RAMP3: variants seen among roughly 807,000 people sequenced by gnomAD.
RAMP3 encodes receptor activity modifying protein 3, also known as receptor activity-modifying protein 3.
A neutral mutation model predicts 13.5 loss-of-function variants in RAMP3; 14 were observed. The ratio of observed to expected loss-of-function variants is 1.04; its 90% CI spans 0.69 to 1.63. The LOEUF (loss-of-function observed/expected upper bound fraction) is 1.63, where lower values mean the gene tolerates loss of function less well. Among genes scored for constraint, RAMP3 ranks in the 40% most tolerant of loss-of-function variants. RAMP3 has a pLI of 0.00. For missense variants in RAMP3, 200 were observed against 204.8 expected (o/e 0.98, Z 0.14); for synonymous variants, 106 against 88.3 (o/e 1.20, Z -1.12).
chr7:45,181,395 C>G (rs554267803), intron 2 of RAMP3, among the ~76,000 whole-genome samples: 73 of 152,322 alleles, frequency 4.8e-4, no homozygotes, highest in African/African-American at 1.6e-3. Flanking sequence ...TGGGACGGTT[C>G]TGGGGCTAGA....
chr7:45,177,423 A>G lies in RAMP3; in HGVS notation c.173A>G (p.Asn58Ser), dbSNP rs749194482. 4 of 1,613,994 alleles carry G rather than the reference A, an allele frequency of 2.5e-6. No individual in the cohort carries two copies. Among genetic ancestry groups the G allele is most frequent in the South Asian group, 1.1e-5 (1 of 91,076 alleles). ...AAGGTGGACGTCTGGAAGTGGTGCA[A>G]CCTGTCCGAGTTCATCGTGTGAGTG... ...MGKVDVWKWC[N>S]LSEFIVYYES... is the part of the protein sequence containing the mutation. The change falls in exon 2 of 3, where the codon AAC becomes AGC. Residue 58 changes from asparagine to serine, a missense_variant. Coordinates refer to ENST00000242249, the MANE Select transcript of RAMP3 (RefSeq NM_005856.3).
In RAMP3 at chr7:45,182,539, C is replaced by G. The variant is rs139021523; in HGVS notation, c.192-618C>G. ...GTGGTTTGCTGAGTGCCCTTCCCATCTTTGATCTCATGGACAGGGGGACCC... is the reference window on the plus strand; with the variant it reads ...GTGGTTTGCTGAGTGCCCTTCCCATGTTTGATCTCATGGACAGGGGGACCC... On this transcript the variant is annotated intron_variant, in intron 2 of 2. Coordinates refer to ENST00000242249, the MANE Select transcript of RAMP3 (RefSeq NM_005856.3). Among the ~76,000 whole-genome samples the G allele has an allele frequency of 2.4e-3, 361 of 152,298 alleles. 1 individual carries two copies. The highest frequency in any genetic ancestry group is 8.2e-3 in the African/African-American group (339 of 41,548).
chr7:45,160,695 T>C (rs1018641545), intron 1 of RAMP3, among the ~76,000 whole-genome samples: 20 of 152,228 alleles, frequency 1.3e-4, no homozygotes, highest in African/African-American at 4.8e-4. Flanking sequence ...TGCATCTGTT[T>C]GGCTGTTTAT....
rs1374968308 is a variant in RAMP3 at position 45,177,340 on chromosome 7, G to C, written c.90G>C (p.Glu30Asp). The C allele has an allele frequency of 6.2e-7, 1 of 1,614,188 alleles. No homozygotes were observed. Among genetic ancestry groups the C allele is most frequent in the Non-Finnish European group, 8.5e-7 (1 of 1,180,006 alleles). Reference protein sequence around the residue: ...GGCPRAGGCNETGMLERLPLC... With the variant: ...GGCPRAGGCNDTGMLERLPLC... ...GTCCCAGAGCAGGCGGCTGCAACGAGACAGGCATGTTGGAGAGGCTGCCCC... is the reference window on the plus strand; with the variant it reads ...GTCCCAGAGCAGGCGGCTGCAACGACACAGGCATGTTGGAGAGGCTGCCCC... Residue 30 changes from glutamate to aspartate, a missense_variant, in exon 2 of 3, where the codon GAG (glutamate) becomes GAC (aspartate). Physicochemically the swap from Glu to Asp is conservative, Grantham distance 45. Transcript: ENST00000242249.
intron 2 of RAMP3, among the ~76,000 whole-genome samples, chr7:45,178,960 C>T (rs1438282331): frequency 6.6e-6 from 1 of 152,088 alleles, no homozygotes; most frequent in Non-Finnish European, 1.5e-5. Context: ...CATTGCGGAG[C>T]CCTCCCACGA....
Position 45,157,819 on chromosome 7 carries a change from C to T in RAMP3, c.-10C>T, listed in dbSNP as rs1178243726. On this transcript the variant is annotated 5_prime_UTR_variant, in exon 1 of 3. Transcript: ENST00000242249. ...GGGACCGAGCGTGACCCAGCTGCGG[C>T]CGGCCAGCCATGGAGACTGGAGCGC... 10 of 1,432,978 alleles carry T rather than the reference C, an allele frequency of 7.0e-6. No homozygotes were observed. Among genetic ancestry groups the T allele is most frequent in the Non-Finnish European group, 8.2e-6 (9 of 1,101,390 alleles). The allele number at this position is 1,432,978 out of a possible 1,614,324, so 88.8% of individuals were successfully genotyped here.
intron 1 of RAMP3, among the ~76,000 whole-genome samples, chr7:45,161,264 T>G (rs1785860694): frequency 7.3e-6 from 1 of 137,620 alleles, no homozygotes. Flanking sequence ...GCGACCTGGG[T>G]GGGTATTTGT....
intron 1 of RAMP3, among the ~76,000 whole-genome samples, chr7:45,167,299 G>T (rs1340085742): frequency 6.6e-6 from 1 of 152,026 alleles, no homozygotes; most frequent in Non-Finnish European, 1.5e-5. Context: ...AGGTGAGAAG[G>T]GTCCGACTTT....
At chr7:45,176,174 G>A (rs1206040623) in intron 1 of RAMP3, among the ~76,000 whole-genome samples, 2 of 152,158 alleles carry the variant, frequency 1.3e-5, no homozygotes, top group African/African-American at 4.8e-5. Flanking sequence ...TCTTGCGGAT[G>A]GGGAAACTGA....
At chr7:45,178,817 G>A (rs1404569649) in intron 2 of RAMP3, among the ~76,000 whole-genome samples, 1 of 152,218 alleles carries the variant, frequency 6.6e-6, no homozygotes, top group Admixed American at 6.5e-5. Flanking sequence ...CCGTGGATTG[G>A]GAGGACAGGA....
intron 1 of RAMP3, among the ~76,000 whole-genome samples, chr7:45,174,128 G>T (rs1388625026): frequency 6.6e-6 from 1 of 152,158 alleles, no homozygotes; most frequent in Admixed American, 6.5e-5. Context: ...AGCCAGGAGG[G>T]TCTTGGGTAC....
At chr7:45,164,539 G>GA (rs35150121) in intron 1 of RAMP3, among the ~76,000 whole-genome samples, 38,397 of 148,634 alleles carry the variant, frequency 0.26, 5,792 homozygotes, top group African/African-American at 0.42. Context: ...TGTCTCAAAA[G>GA]AAAAAAAAAA....
At chr7:45,162,704 G>T (rs188948215) in intron 1 of RAMP3, among the ~76,000 whole-genome samples, 2 of 152,192 alleles carry the variant, frequency 1.3e-5, no homozygotes, top group East Asian at 1.9e-4. Flanking sequence ...AGTACTGAGG[G>T]GGGTGGAGAG....
At chr7:45,172,270 C>G (rs982291992) in intron 1 of RAMP3, among the ~76,000 whole-genome samples, 3 of 152,186 alleles carry the variant, frequency 2.0e-5, no homozygotes, top group Admixed American at 6.5e-5. Flanking sequence ...GAGAGAACCT[C>G]CATTTGTGGT....
intron 1 of RAMP3, among the ~76,000 whole-genome samples, chr7:45,170,422 C>T (rs762400109): frequency 1.7e-4 from 25 of 150,770 alleles, no homozygotes; most frequent in African/African-American, 6.1e-4. Context: ...ACTGCAACCT[C>T]TGCCTCCTGG....
At chr7:45,178,199 G>A (rs531154138) in intron 2 of RAMP3, among the ~76,000 whole-genome samples, 1 of 152,276 alleles carries the variant, frequency 6.6e-6, no homozygotes, top group African/African-American at 2.4e-5. Context: ...GAGGAATTGG[G>A]TTCCAATGGT....
chr7:45,166,655 A>C (rs1214648963), intron 1 of RAMP3, among the ~76,000 whole-genome samples: 4 of 152,126 alleles, frequency 2.6e-5, no homozygotes, highest in African/African-American at 4.8e-5. Context: ...CAGAAGTTTT[A>C]AAATTTGACG....
intron 1 of RAMP3, among the ~76,000 whole-genome samples, chr7:45,164,834 A>C (rs1366969739): frequency 6.6e-6 from 1 of 152,090 alleles, no homozygotes; most frequent in Admixed American, 6.6e-5. Flanking sequence ...TTTTGAACCT[A>C]TTTGAGTCTT....
rs369993498 is a variant in RAMP3, at chr7:45,163,474, G to A, written c.58+5588G>A. ...GCTGGTGTCCAGGAAGGAGGCTGTGGTAATGGGGGACAGTCTGATTGTGGA... is the reference window on the plus strand; with the variant it reads ...GCTGGTGTCCAGGAAGGAGGCTGTGATAATGGGGGACAGTCTGATTGTGGA... On this transcript the variant is annotated intron_variant, in intron 1 of 2. Transcript: ENST00000242249. 337 of 985,422 alleles carry A rather than the reference G, an allele frequency of 3.4e-4. 5 individuals carry two copies. In the South Asian group the frequency reaches 0.014, roughly 41 times the overall value. 61.0% of individuals were successfully genotyped at this position (985,422 alleles called of 1,614,324 possible). A position where few individuals can be genotyped will look rare whatever the true frequency, so the allele number is the denominator to read the frequency against.
Sources: allele counts gnomAD v4.1 joint callset (sites outside exome capture counted in the v4.1 genomes callset), GRCh38; gene constraint gnomAD v4.1.1; transcripts MANE v1.5; gene names NCBI Gene and HGNC (gene_info 2026-07-23, HGNC 2026-07-21).